UNC13C: variants seen among roughly 807,000 people sequenced by gnomAD.
UNC13C encodes the protein protein unc-13 homolog C.
In UNC13C, 174 loss-of-function variants were observed where a neutral mutation model predicts 245.4. The observed-to-expected ratio is 0.71, with a 90% CI of 0.63 to 0.80. The LOEUF is 0.80. UNC13C is among the 30% of genes least tolerant of loss of function. The probability of loss-of-function intolerance (pLI) is 0.00; values close to 1 mark genes in which losing one functional copy is unlikely to be tolerated. For missense variants in UNC13C, 2,829 were observed against 2,602.9 expected, an observed-to-expected ratio of 1.09 and a Z score of -1.89; for synonymous variants, 992 against 895.1, an observed-to-expected ratio of 1.11 and a Z score of -1.93.
intron 6 of UNC13C, 129 bp downstream of exon 6, chr15:54,236,564 G>A (rs775386655): frequency 5.4e-5 from 39 of 728,300 alleles, no homozygotes; most frequent in Middle Eastern, 2.5e-4. Flanking sequence ...TAAGAAGTTT[G>A]TTCTGCAAGA....
chr15:54,562,124 C>T (rs1222755798), intron 29 of UNC13C, among the ~76,000 whole-genome samples: 4 of 151,922 alleles, frequency 2.6e-5, no homozygotes, highest in African/African-American at 9.7e-5. Context: ...GAGATAGGGG[C>T]TGATGCTTAA....
intron 19 of UNC13C, among the ~76,000 whole-genome samples, chr15:54,463,017 A>G (rs1437264336): frequency 3.9e-5 from 6 of 151,960 alleles, no homozygotes; most frequent in South Asian, 4.2e-4. Flanking sequence ...GGATGCATCA[A>G]TCAGCACTCT....
intron 1 of UNC13C, among the ~76,000 whole-genome samples, chr15:54,000,128 T>G (rs1193704500): frequency 6.6e-6 from 1 of 152,040 alleles, no homozygotes; most frequent in Non-Finnish European, 1.5e-5. Flanking sequence ...GAGGGAGAAG[T>G]TTTAAGTTAG....
chr15:54,558,997 A>G (rs1212928412), intron 29 of UNC13C, among the ~76,000 whole-genome samples: 2 of 152,010 alleles, frequency 1.3e-5, no homozygotes, highest in African/African-American at 4.8e-5. Flanking sequence ...TGACCTGAAA[A>G]AATGCTGAAT....
chr15:54,554,356 A>G (rs889946278), intron 28 of UNC13C, among the ~76,000 whole-genome samples: 5 of 152,110 alleles, frequency 3.3e-5, no homozygotes, highest in Non-Finnish European at 7.4e-5. Flanking sequence ...GCAAAAATGC[A>G]TACCTAAAGG....
intron 30 of UNC13C, among the ~76,000 whole-genome samples, chr15:54,593,533 T>C (rs1449151036): frequency 1.3e-5 from 2 of 152,168 alleles, no homozygotes; most frequent in Admixed American, 6.5e-5. Context: ...TTTCTTATTC[T>C]TTTTGTCTTT....
At chr15:53,858,656 T>C in the UNC13C span, among the ~76,000 whole-genome samples, 3 of 152,060 alleles carry the variant, frequency 2.0e-5, no homozygotes, top group Admixed American at 6.6e-5. Context: ...CCTGACCTCA[T>C]GATCCACCCG....
At chr15:54,152,837 A>G (rs963166876) in intron 4 of UNC13C, among the ~76,000 whole-genome samples, 9 of 152,172 alleles carry the variant, frequency 5.9e-5, no homozygotes, top group Middle Eastern at 6.8e-3. Flanking sequence ...CACATCTAAT[A>G]TATATAAAAG....
intron 1 of UNC13C, among the ~76,000 whole-genome samples, chr15:54,009,411 T>C (rs151234985): frequency 9.8e-5 from 15 of 152,312 alleles, no homozygotes; most frequent in Non-Finnish European, 1.9e-4. Context: ...TGCTATCTTC[T>C]AGACATTGCT....
intron 2 of UNC13C, among the ~76,000 whole-genome samples, chr15:54,117,291 T>A (rs2030321883): frequency 6.6e-6 from 1 of 152,128 alleles, no homozygotes. Context: ...GTAACCCAAT[T>A]TTTTTATTTT....
At chr15:54,568,369 T>G (rs1228629882) in intron 30 of UNC13C, among the ~76,000 whole-genome samples, 2 of 152,122 alleles carry the variant, frequency 1.3e-5, no homozygotes, top group Non-Finnish European at 2.9e-5. Flanking sequence ...CCCTGTGCTC[T>G]GGGGTTTCCA....
At chr15:54,606,574 T>A (rs1046377176) in intron 30 of UNC13C, among the ~76,000 whole-genome samples, 2 of 152,208 alleles carry the variant, frequency 1.3e-5, no homozygotes, top group Non-Finnish European at 2.9e-5. Flanking sequence ...ATTAGAGATG[T>A]TAACCACCAG....
the UNC13C span, among the ~76,000 whole-genome samples, chr15:53,897,236 G>A: frequency 6.6e-6 from 1 of 152,274 alleles, no homozygotes; most frequent in African/African-American, 2.4e-5. Flanking sequence ...TCACACAGAG[G>A]AGACAATCAA....
At chr15:54,037,739 C>T (rs1430480768) in intron 2 of UNC13C, among the ~76,000 whole-genome samples, 1 of 151,960 alleles carries the variant, frequency 6.6e-6, no homozygotes, top group African/African-American at 2.4e-5. Flanking sequence ...TGATCTAACG[C>T]CATTCACTTT....
At chr15:54,192,030 G>T (rs1567084330) in intron 4 of UNC13C, among the ~76,000 whole-genome samples, 1 of 152,010 alleles carries the variant, frequency 6.6e-6, no homozygotes, top group Non-Finnish European at 1.5e-5. Flanking sequence ...CTGTGGAGGA[G>T]CTCTTTAGTT....
At chr15:53,968,979 G>A in the UNC13C span, among the ~76,000 whole-genome samples, 1 of 152,002 alleles carries the variant, frequency 6.6e-6, no homozygotes, top group Non-Finnish European at 1.5e-5. Context: ...ATTTTATCAC[G>A]CTCGACTGAC....
intron 19 of UNC13C, among the ~76,000 whole-genome samples, chr15:54,419,193 A>G (rs954513926): frequency 6.6e-6 from 1 of 152,198 alleles, no homozygotes; most frequent in African/African-American, 2.4e-5. Context: ...TAATTAAAAT[A>G]TGTTTACCTG....
intron 2 of UNC13C, among the ~76,000 whole-genome samples, chr15:54,102,543 T>G (rs945746507): frequency 3.9e-5 from 6 of 152,236 alleles, no homozygotes; most frequent in African/African-American, 1.4e-4. Context: ...GCTGCTCCAG[T>G]AGAGGTGTTC....
At chr15:54,482,739 C>T (rs1596460569) in intron 19 of UNC13C, among the ~76,000 whole-genome samples, 1 of 149,318 alleles carries the variant, frequency 6.7e-6, no homozygotes. Flanking sequence ...GTCTCCTGCA[C>T]ATTTAAAATG....
Sources: gnomAD v4.1 joint callset for allele counts (sites outside exome capture counted in the v4.1 genomes callset) on GRCh38, gnomAD v4.1.1 for gene constraint, MANE v1.5 for transcripts, NCBI Gene and HGNC (gene_info 2026-07-23, HGNC 2026-07-21) for gene names.